YY1: variants seen among roughly 807,000 people sequenced by gnomAD.
The protein encoded by YY1 is YY1 transcription factor, also known as transcriptional repressor protein YY1.
In YY1, 2 loss-of-function variants were observed where a neutral mutation model predicts 35.6. The observed-to-expected ratio is 0.06, with a 90% CI of 0.02 to 0.18. The LOEUF is 0.18. YY1 is among the 10% of genes least tolerant of loss of function. YY1 has a pLI of 1.00. For missense variants in YY1, 322 were observed against 573.4 expected (o/e 0.56, Z 4.48); for synonymous variants, 268 against 238.9 (o/e 1.12, Z -1.12).
intron 1 of YY1, among the ~76,000 whole-genome samples, chr14:100,258,531 G>GT (rs796335630): frequency 7.2e-5 from 11 of 152,248 alleles, no homozygotes; most frequent in African/African-American, 2.6e-4. Context: ...GACTTCATGA[G>GT]TTTTTTGTAT....
At chr14:100,269,807 A>G (rs1379966176) in intron 2 of YY1, among the ~76,000 whole-genome samples, 2 of 152,198 alleles carry the variant, frequency 1.3e-5, no homozygotes, top group Non-Finnish European at 2.9e-5. Context: ...TCATTCTAAA[A>G]TTAAATATAT....
Position 100,280,848 on chromosome 14 carries a change from C to T in YY1, c.*3248C>T, listed in dbSNP as rs1891409849. 1 of 152,168 alleles carries T rather than the reference C, an allele frequency of 6.6e-6. No individual in the cohort carries two copies. The highest frequency in any genetic ancestry group is 2.1e-4 in the South Asian group (1 of 4,814). 9.4% of individuals were successfully genotyped at this position (152,168 alleles called of 1,614,324 possible). ...TCCGTTTGCACTCTGCCTTGCAAAA[C>T]TTACTGTGGAGACGTGTCCCAGACT... On this transcript the variant is annotated 3_prime_UTR_variant, in exon 5 of 5. Coordinates refer to ENST00000262238, the MANE Select transcript of YY1 (RefSeq NM_003403.5).
At chr14:100,258,710 C>G (rs1211174305) in intron 1 of YY1, among the ~76,000 whole-genome samples, 4 of 152,170 alleles carry the variant, frequency 2.6e-5, no homozygotes. Flanking sequence ...GTTACTTAAC[C>G]TCTCTGTGCC....
chr14:100,242,350 T>TGCAAGTG, intron 1 of YY1, among the ~76,000 whole-genome samples: 1 of 151,304 alleles, frequency 6.6e-6, no homozygotes, highest in Middle Eastern at 3.4e-3. Context: ...TTTACAAGTG[T>TGCAAGTG]GCAAGTGGCT....
chr14:100,264,786 G>A (rs774918151), intron 2 of YY1, among the ~76,000 whole-genome samples: 9 of 152,178 alleles, frequency 5.9e-5, no homozygotes, highest in Non-Finnish European at 1.3e-4. Flanking sequence ...AATTGTGGCA[G>A]TCAGATAACA....
intron 1 of YY1, among the ~76,000 whole-genome samples, chr14:100,258,595 C>T (rs1202230301): frequency 3.9e-5 from 6 of 152,206 alleles, no homozygotes; most frequent in South Asian, 2.1e-4. Context: ...CCTCGTGATC[C>T]GCCCGCCTCG....
At chr14:100,260,424 A>AATATATATAT (rs59427565) in intron 1 of YY1, among the ~76,000 whole-genome samples, 4 of 141,280 alleles carry the variant, frequency 2.8e-5, no homozygotes, top group Non-Finnish European at 4.5e-5. Context: ...TGAATATATG[A>AATATATATAT]ATATATATAT....
rs1405881555 is a variant in YY1, at chr14:100,241,851, G to A, written c.679+1928G>A. 2.0e-5 allele frequency among the ~76,000 whole-genome samples: 3 copies of A among 151,924 alleles called. No homozygotes were observed. In the East Asian group the frequency reaches 5.8e-4, roughly 29 times the overall value. ...TAGCCAGGCGTGATGGCGGGAGCCCGTAATCCCAGCTACTCGGGAGGCTGA... is the reference window on the plus strand; with the variant it reads ...TAGCCAGGCGTGATGGCGGGAGCCCATAATCCCAGCTACTCGGGAGGCTGA... On this transcript the variant is annotated intron_variant, in intron 1 of 4. Transcript: ENST00000262238.
intron 1 of YY1, among the ~76,000 whole-genome samples, chr14:100,254,923 G>A (rs566996881): frequency 6.6e-4 from 82 of 123,576 alleles, no homozygotes; most frequent in Non-Finnish European, 1.2e-3. Context: ...ACAAGCGCCC[G>A]CCACCACGCC....
intron 2 of YY1, among the ~76,000 whole-genome samples, chr14:100,274,111 A>G (rs1269874176): frequency 1.6e-4 from 25 of 152,240 alleles, no homozygotes; most frequent in Middle Eastern, 3.4e-3. Flanking sequence ...CCTTCCAGAG[A>G]TATTTGATAT....
rs1362221627 is a variant in YY1, at chr14:100,281,183, T to A, written c.*3583T>A. On this transcript the variant is annotated 3_prime_UTR_variant, in exon 5 of 5. Coordinates refer to ENST00000262238, the MANE Select transcript of YY1 (RefSeq NM_003403.5). ...GTCTCTGACTTCTGTGACCTGGAAA[T>A]CAGCCTGGCTTGGGAAATTCATGTT... 7.0e-6 allele frequency: 1 copy of A among 142,540 alleles called. No individual in the cohort carries two copies. Among genetic ancestry groups the A allele is most frequent in the African/African-American group, 2.6e-5 (1 of 37,812 alleles). 8.8% of individuals were successfully genotyped at this position (142,540 alleles called of 1,614,324 possible). A position where few individuals can be genotyped will look rare whatever the true frequency, so the allele number is the denominator to read the frequency against.
rs950275389 is a variant in YY1 at position 100,276,151 on chromosome 14, G to A, written c.904-339G>A. ...TTACTTCATTTTGGGGGACATAGTCGGGTGAGGTGGCTGTGGTAGAGCTGG... is the reference window on the plus strand; with the variant it reads ...TTACTTCATTTTGGGGGACATAGTCAGGTGAGGTGGCTGTGGTAGAGCTGG... On this transcript the variant is annotated intron_variant, in intron 3 of 4. Transcript: ENST00000262238. The surrounding 1 kb of genome is among the most constrained non-coding windows in gnomAD (Gnocchi z 4.1). The A allele has an allele frequency of 1.1e-5, 4 of 350,976 alleles. No homozygotes were observed. The highest frequency in any genetic ancestry group is 2.1e-5 in the African/African-American group (1 of 47,066). The allele number at this position is 350,976 out of a possible 1,614,324, so 21.7% of individuals were successfully genotyped here. A position where few individuals can be genotyped will look rare whatever the true frequency, so the allele number is the denominator to read the frequency against.
intron 1 of YY1, among the ~76,000 whole-genome samples, chr14:100,243,876 C>T (rs1343868780): frequency 6.6e-6 from 1 of 151,826 alleles, no homozygotes; most frequent in Non-Finnish European, 1.5e-5. Context: ...GAGGCCGAGG[C>T]GGGTGGGTCA....
At position 100,276,906 on chromosome 14, in the gene YY1, G is replaced by A. The variant is rs912657670; in HGVS notation, c.1062+258G>A. 3.9e-5 allele frequency: 21 copies of A among 536,606 alleles called. No individual in the cohort carries two copies. Among genetic ancestry groups the A allele is most frequent in the Non-Finnish European group, 6.3e-5 (19 of 299,646 alleles). 33.2% of individuals were successfully genotyped at this position (536,606 alleles called of 1,614,324 possible). On this transcript the variant is annotated intron_variant, in intron 4 of 4. Transcript: ENST00000262238. The surrounding 1 kb of genome is among the most constrained non-coding windows in gnomAD (Gnocchi z 4.1). ...ACACTTTATGGCAGGAGGAGAACAGGATTGAAGAGCATACCTAAAACTCAA... is the reference window on the plus strand; with the variant it reads ...ACACTTTATGGCAGGAGGAGAACAGAATTGAAGAGCATACCTAAAACTCAA...
chr14:100,248,409 A>G (rs1024103759), intron 1 of YY1, among the ~76,000 whole-genome samples: 5 of 152,006 alleles, frequency 3.3e-5, no homozygotes, highest in Non-Finnish European at 7.4e-5. Context: ...GGCATGAGCT[A>G]CTGTACCCAG....
At chr14:100,265,482 A>G (rs566246007) in intron 2 of YY1, 1 of 152,268 alleles carries the variant, frequency 6.6e-6, no homozygotes, top group Non-Finnish European at 1.5e-5. Flanking sequence ...GGGGAGGAGT[A>G]AGAGCATGCT....
At chr14:100,258,380 CA>C (rs765921199) in intron 1 of YY1, among the ~76,000 whole-genome samples, 4 of 152,056 alleles carry the variant, frequency 2.6e-5, no homozygotes, top group Non-Finnish European at 5.9e-5. Context: ...GGAATACATC[CA>C]GCTATTTTTT....
chr14:100,248,261 G>A (rs1223377923), intron 1 of YY1, among the ~76,000 whole-genome samples: 2 of 151,722 alleles, frequency 1.3e-5, no homozygotes, highest in South Asian at 2.1e-4. Context: ...GACTACAGGC[G>A]CCCACCACCA....
intron 1 of YY1, among the ~76,000 whole-genome samples, 184 bp downstream of exon 1, chr14:100,240,107 G>T (rs1331934725): frequency 6.8e-6 from 1 of 146,182 alleles, no homozygotes; most frequent in Non-Finnish European, 1.5e-5. Context: ...CGAAGATGGC[G>T]GCAGGCCGCG....
Sources: gnomAD v4.1 joint callset for allele counts (sites outside exome capture counted in the v4.1 genomes callset) on GRCh38, gnomAD v4.1.1 for gene constraint, Gnocchi (gnomAD v3.1) non-coding constraint, MANE v1.5 for transcripts, NCBI Gene and HGNC (gene_info 2026-07-23, HGNC 2026-07-21) for gene names.